The following UQCC1 variants were observed in gnomAD, a reference collection of about 807,000 sequenced individuals.
UQCC1 encodes the protein bFGF-repressed Zic-binding protein.
A neutral mutation model predicts 48.0 loss-of-function variants in UQCC1; 38 were observed. The ratio of observed to expected loss-of-function variants is 0.79; its 90% CI spans 0.61 to 1.04. The LOEUF (loss-of-function observed/expected upper bound fraction) is 1.04. UQCC1 is among the 50% of genes least tolerant of loss of function. UQCC1 has a pLI of 0.00. For missense variants in UQCC1, 368 were observed against 381.8 expected, an observed-to-expected ratio of 0.96 and a Z score of 0.30; for synonymous variants, 111 against 129.2, an observed-to-expected ratio of 0.86 and a Z score of 0.95.
At chr20:35,375,812 G>T (rs1326428676) in intron 4 of UQCC1, among the ~76,000 whole-genome samples, 8 of 151,942 alleles carry the variant, frequency 5.3e-5, no homozygotes, top group African/African-American at 1.9e-4. Flanking sequence ...AAATTAGCTG[G>T]CCATGGTGGT....
intron 8 of UQCC1, chr20:35,309,163 A>G (rs1303530421): frequency 4.4e-6 from 2 of 456,220 alleles, no homozygotes; most frequent in East Asian, 1.4e-4. Context: ...TGGGAGAGCA[A>G]TCAGAATGGC....
rs2060894122 is a variant in UQCC1, at chr20:35,303,599, C to T, written c.*336G>A. ...GCCCTGGGGGGTTTCCCTTTTGAAC[C>T]TACACCATCCCTTCCTTGGCCTTTG... On this transcript the variant is annotated 3_prime_UTR_variant, in exon 10 of 10. Transcript: ENST00000374385. The T allele has an allele frequency of 3.7e-6, 1 of 273,080 alleles. No individual in the cohort carries two copies. Among genetic ancestry groups the T allele is most frequent in the African/African-American group, 2.1e-5 (1 of 47,110 alleles). 16.9% of individuals were successfully genotyped at this position (273,080 alleles called of 1,614,324 possible). A position where few individuals can be genotyped will look rare whatever the true frequency, so the allele number is the denominator to read the frequency against.
intron 1 of UQCC1, among the ~76,000 whole-genome samples, chr20:35,410,716 A>AAAAAAAAAAAAAAAAAAC (rs1370852913): frequency 6.3e-4 from 69 of 108,738 alleles, no homozygotes; most frequent in East Asian, 3.0e-3. Flanking sequence ...AAAAAAAAAA[A>AAAAAAAAAAAAAAAAAAC]AAAAAAAACA....
At chr20:35,411,695 G>A (rs1034049701) in intron 1 of UQCC1, among the ~76,000 whole-genome samples, 1 of 152,140 alleles carries the variant, frequency 6.6e-6, no homozygotes, top group Non-Finnish European at 1.5e-5. Context: ...GGAAGGAAAA[G>A]TAAACCCCAT....
At chr20:35,339,089 C>T (rs575270746) in intron 7 of UQCC1, among the ~76,000 whole-genome samples, 4 of 151,090 alleles carry the variant, frequency 2.6e-5, no homozygotes, top group South Asian at 2.1e-4. Context: ...AGAGAAAAAC[C>T]GGACCTTTTT....
chr20:35,373,176 C>T (rs1166976424), intron 5 of UQCC1, among the ~76,000 whole-genome samples: 1 of 152,130 alleles, frequency 6.6e-6, no homozygotes, highest in Non-Finnish European at 1.5e-5. Context: ...ACTGTGATAA[C>T]AATCAACTGC....
rs1242105450 is a variant in UQCC1 at position 35,411,920 on chromosome 20, A to G, written c.24+20T>C. 1 of 1,614,188 alleles carries G rather than the reference A, an allele frequency of 6.2e-7. No homozygotes were observed. Among genetic ancestry groups the G allele is most frequent in the East Asian group, 2.2e-5 (1 of 44,882 alleles). On this transcript the variant is annotated intron_variant, in intron 1 of 9. Transcript: ENST00000374385. ...CCCGGGACCCAGAGAGCTACCGTAGAAAATTACTCCTTCACTCACAAGGAC... is the reference window on the plus strand; with the variant it reads ...CCCGGGACCCAGAGAGCTACCGTAGGAAATTACTCCTTCACTCACAAGGAC...
rs201933069 is a variant in UQCC1 at position 35,337,915 on chromosome 20, AG to A, written c.573+9248del. Reference sequence around the variant, plus strand: ...CACGGTCTCCTCTAGAAACACATCTAGGTGTCTCCTGAATTCATTTATTGGC... The same window carrying A: ...CACGGTCTCCTCTAGAAACACATCTAGTGTCTCCTGAATTCATTTATTGGC... On this transcript the variant is annotated intron_variant, in intron 7 of 9. Coordinates refer to ENST00000374385, the MANE Select transcript of UQCC1 (RefSeq NM_018244.5). Among the ~76,000 whole-genome samples, 1,290 of 151,920 alleles carry A rather than the reference AG, an allele frequency of 8.5e-3. 80 individuals carry two copies. Among genetic ancestry groups the A allele is most frequent in the Admixed American group, 0.074 (1,131 of 15,244 alleles).
At chr20:35,321,314 A>G (rs1214644981) in intron 7 of UQCC1, among the ~76,000 whole-genome samples, 2 of 151,578 alleles carry the variant, frequency 1.3e-5, no homozygotes, top group Non-Finnish European at 2.9e-5. Flanking sequence ...TCAGGCACGC[A>G]TGCATATTGA....
chr20:35,319,345 T>C (rs1412562774), intron 7 of UQCC1, among the ~76,000 whole-genome samples: 2 of 152,136 alleles, frequency 1.3e-5, no homozygotes, highest in African/African-American at 4.8e-5. Context: ...GAGGGAGCAC[T>C]CAATAGGAGG....
chr20:35,341,944 A>G (rs1417231862), intron 7 of UQCC1, among the ~76,000 whole-genome samples: 1 of 152,228 alleles, frequency 6.6e-6, no homozygotes, highest in Non-Finnish European at 1.5e-5. Flanking sequence ...AACTAGAGGA[A>G]ATGAGTTTGG....
At chr20:35,304,796 T>C (rs2060910316) in intron 9 of UQCC1, 1 of 152,160 alleles carries the variant, frequency 6.6e-6, no homozygotes, top group African/African-American at 2.4e-5. Context: ...CTTTAGGTCA[T>C]TCCCCCTTCC....
Position 35,380,751 on chromosome 20 carries a change from G to A in UQCC1, c.333+1167C>T, listed in dbSNP as rs190234688. Among the ~76,000 whole-genome samples, 135 of 152,272 alleles carry A rather than the reference G, an allele frequency of 8.9e-4. 1 individual carries two copies. Among genetic ancestry groups the A allele is most frequent in the Non-Finnish European group, 1.5e-3 (102 of 68,020 alleles). ...CTGAAAGGCATTAAAAGGCACTTCT[G>A]CCATAGTGAAAGAGAGAAATGGTAT... On this transcript the variant is annotated intron_variant, in intron 4 of 9. Coordinates refer to ENST00000374385, the MANE Select transcript of UQCC1 (RefSeq NM_018244.5).
chr20:35,317,249 C>T (rs2146315247), intron 7 of UQCC1, among the ~76,000 whole-genome samples: 1 of 152,334 alleles, frequency 6.6e-6, no homozygotes, highest in South Asian at 2.1e-4. Flanking sequence ...CTTTCCTACA[C>T]ACAGGGCTAT....
chr20:35,410,480 C>T (rs1417420751), intron 1 of UQCC1, among the ~76,000 whole-genome samples: 2 of 147,944 alleles, frequency 1.4e-5, no homozygotes, highest in Non-Finnish European at 3.0e-5. Context: ...TGCAGTGAGC[C>T]GAGATCACAC....
chr20:35,338,856 G>GAAAA lies in UQCC1; in HGVS notation c.573+8304_573+8307dup, dbSNP rs1172467457. On this transcript the variant is annotated intron_variant, in intron 7 of 9. Coordinates refer to ENST00000374385, the MANE Select transcript of UQCC1 (RefSeq NM_018244.5). ...GAGAAAGCAAGACTCCGTCTCAAAA[G>GAAAA]AAAAAAAAAAAAAAAAAAAAAAAAA... 2.2e-4 allele frequency among the ~76,000 whole-genome samples: 6 copies of GAAAA among 26,846 alleles called. 1 individual carries two copies. The highest frequency in any genetic ancestry group is 3.3e-4 in the Non-Finnish European group (6 of 18,202). The allele number at this position is 26,846 out of a possible 152,430, so 17.6% of individuals were successfully genotyped here.
intron 8 of UQCC1, among the ~76,000 whole-genome samples, chr20:35,309,638 C>T (rs2060968774): frequency 6.6e-6 from 1 of 152,160 alleles, no homozygotes; most frequent in South Asian, 2.1e-4. Flanking sequence ...AATCGGGTGC[C>T]TACTTGTTTT....
At position 35,387,528 on chromosome 20, in the gene UQCC1, T is replaced by C. The variant is rs550505928; in HGVS notation, c.130-3395A>G. 1.7e-3 allele frequency among the ~76,000 whole-genome samples: 264 copies of C among 151,904 alleles called. 2 individuals carry two copies. The highest frequency in any genetic ancestry group is 2.3e-3 in the Non-Finnish European group (155 of 67,968). ...AAACTAGGTGGATTTTTTTTTTTTT[T>C]CAAAGAGGACAACTTTGGAGAACGT... On this transcript the variant is annotated intron_variant, in intron 2 of 9. Transcript: ENST00000374385.
chr20:35,373,706 A>C (rs1205010399), intron 5 of UQCC1, among the ~76,000 whole-genome samples: 2 of 151,672 alleles, frequency 1.3e-5, no homozygotes, highest in African/African-American at 2.4e-5. Flanking sequence ...AAAAAAAAAA[A>C]ACCATCCAGA....
Sources: gnomAD v4.1 joint callset for allele counts (sites outside exome capture counted in the v4.1 genomes callset) on GRCh38, gnomAD v4.1.1 for gene constraint, MANE v1.5 for transcripts, NCBI Gene and HGNC (gene_info 2026-07-23, HGNC 2026-07-21) for gene names.